The following DGKH variants were observed in gnomAD, a reference collection of about 807,000 sequenced individuals.
DGKH encodes the protein DAG kinase eta.
Under a neutral mutation model 159.3 loss-of-function variants are expected in DGKH, and 90 were observed. The ratio of observed to expected loss-of-function variants is 0.57; its 90% CI spans 0.48 to 0.67. The LOEUF (loss-of-function observed/expected upper bound fraction) is 0.67, where lower values mean the gene tolerates loss of function less well. Among genes scored for constraint, DGKH ranks in the 30% least tolerant of loss-of-function variants. The probability of loss-of-function intolerance (pLI) is 0.00; values close to 1 mark genes in which losing one functional copy is unlikely to be tolerated. For synonymous variants in DGKH, 536 were observed against 553.8 expected, an observed-to-expected ratio of 0.97 and a Z score of 0.45; for missense variants, 1,181 against 1,506.1, an observed-to-expected ratio of 0.78 and a Z score of 3.57.
rs1363073247 is a variant in DGKH, at chr13:42,237,360, A to G, written c.*8172A>G. The G allele has an allele frequency of 6.6e-6, 1 of 151,854 alleles. No homozygotes were observed. The highest frequency in any genetic ancestry group is 6.6e-5 in the Admixed American group (1 of 15,236). The allele number at this position is 151,854 out of a possible 1,614,324, so 9.4% of individuals were successfully genotyped here. On this transcript the variant is annotated 3_prime_UTR_variant, in exon 30 of 30. Coordinates refer to ENST00000337343, the MANE Select transcript of DGKH (RefSeq NM_178009.5). ...TAATTTTAAAGGCAAAGAGTTTTAT[A>G]TTAATTTTACTGTTGCACAAGCAGT...
chr13:42,097,549 C>T (rs1397974641), intron 1 of DGKH, among the ~76,000 whole-genome samples: 3 of 152,112 alleles, frequency 2.0e-5, no homozygotes, highest in South Asian at 2.1e-4. Context: ...AAGTTGTAGC[C>T]CCAGATGCCG....
intron 29 of DGKH, among the ~76,000 whole-genome samples, chr13:42,221,746 C>T (rs1407968134): frequency 6.6e-6 from 1 of 152,042 alleles, no homozygotes; most frequent in Non-Finnish European, 1.5e-5. Context: ...CTGAAAATGA[C>T]TAAAATCTAA....
intron 13 of DGKH, among the ~76,000 whole-genome samples, 158 bp from the exon 14 acceptor site, chr13:42,186,891 T>G: frequency 6.6e-6 from 1 of 152,254 alleles, no homozygotes; most frequent in East Asian, 1.9e-4. Flanking sequence ...TGGACTTATG[T>G]GAGACAAACT....
rs542646828 is a variant in DGKH at position 42,232,143 on chromosome 13, C to T, written c.*2955C>T. ...GAAGAGCTTCTCCATGGGATCAGAT[C>T]ACAGCTTTGGGGAGTGGGATGGGGC... On this transcript the variant is annotated 3_prime_UTR_variant, in exon 30 of 30. Coordinates refer to ENST00000337343, the MANE Select transcript of DGKH (RefSeq NM_178009.5). The T allele has an allele frequency of 7.8e-4, 119 of 152,326 alleles. No homozygotes were observed. Among genetic ancestry groups the T allele is most frequent in the Non-Finnish European group, 1.5e-3 (102 of 68,118 alleles). The allele number at this position is 152,326 out of a possible 1,614,324, so 9.4% of individuals were successfully genotyped here.
intron 18 of DGKH, 105 bp downstream of exon 18, chr13:42,198,700 A>G: frequency 9.8e-7 from 1 of 1,021,814 alleles, no homozygotes; most frequent in Non-Finnish European, 1.5e-6. Context: ...ATATGGTCCC[A>G]TGTAAAAAAA....
chr13:42,040,455 A>T (rs1880414049), intron 1 of DGKH, among the ~76,000 whole-genome samples: 2 of 151,164 alleles, frequency 1.3e-5, no homozygotes, highest in South Asian at 4.2e-4. Context: ...ATAAGGCCTG[A>T]CAGGGGGGTC....
At chr13:42,097,568 G>A (rs1327924210) in intron 1 of DGKH, among the ~76,000 whole-genome samples, 3 of 152,176 alleles carry the variant, frequency 2.0e-5, no homozygotes, top group South Asian at 2.1e-4. Context: ...CGGCAACTGG[G>A]AGCCCAATAA....
intron 30 of DGKH, among the ~76,000 whole-genome samples, chr13:42,254,267 A>G (rs1270796549): frequency 2.0e-5 from 3 of 152,264 alleles, no homozygotes; most frequent in African/African-American, 4.8e-5. Context: ...TCTAAATGCC[A>G]GATGATAGGG....
chr13:42,226,848 C>G (rs1288647688), intron 29 of DGKH, among the ~76,000 whole-genome samples: 1 of 132,424 alleles, frequency 7.6e-6, no homozygotes, highest in African/African-American at 2.7e-5. Flanking sequence ...CAGTATGAGA[C>G]TCTGTCTCAA....
chr13:42,161,678 G>A (rs902999882), intron 7 of DGKH, among the ~76,000 whole-genome samples: 4 of 152,082 alleles, frequency 2.6e-5, no homozygotes, highest in South Asian at 2.1e-4. Context: ...TACTCGGGAG[G>A]CTGAGGCAGG....
In DGKH at chr13:42,119,269, T is replaced by G. The variant is rs117704494; in HGVS notation, c.193-8194T>G. On this transcript the variant is annotated intron_variant, in intron 1 of 29. Transcript: ENST00000337343. Reference sequence around the variant, plus strand: ...GACTGGACTGCATATTTTAGGCATTTTCAGGAAAAGAAATAAAGAATTTGT... The same window carrying G: ...GACTGGACTGCATATTTTAGGCATTGTCAGGAAAAGAAATAAAGAATTTGT... Among the ~76,000 whole-genome samples, 1,081 of 152,296 alleles carry G rather than the reference T, an allele frequency of 7.1e-3. 8 individuals carry two copies. The highest frequency in any genetic ancestry group is 0.017 in the Admixed American group (255 of 15,292).
intron 1 of DGKH, among the ~76,000 whole-genome samples, chr13:42,121,153 A>G (rs1331603704): frequency 6.6e-6 from 1 of 152,064 alleles, no homozygotes; most frequent in African/African-American, 2.4e-5. Flanking sequence ...GTTCAACTTA[A>G]TAATTTTCCA....
At chr13:42,248,611 A>G (rs975858695) in intron 29 of DGKH, among the ~76,000 whole-genome samples, 1 of 147,610 alleles carries the variant, frequency 6.8e-6, no homozygotes, top group African/African-American at 2.5e-5. Context: ...TAATTTATAT[A>G]ATACATAATA....
At chr13:42,089,705 A>G (rs1388247790) in intron 1 of DGKH, among the ~76,000 whole-genome samples, 1 of 152,144 alleles carries the variant, frequency 6.6e-6, no homozygotes, top group Non-Finnish European at 1.5e-5. Flanking sequence ...TTGTGATTTC[A>G]TTGGGCCCCC....
At chr13:42,087,856 A>T (rs1227442444) in intron 1 of DGKH, among the ~76,000 whole-genome samples, 1 of 151,960 alleles carries the variant, frequency 6.6e-6, no homozygotes, top group African/African-American at 2.4e-5. Flanking sequence ...CATTTGAGGA[A>T]GTAATGGCCA....
In DGKH at chr13:42,232,420, T is replaced by C. The variant is rs1201424483; in HGVS notation, c.*3232T>C. Reference sequence around the variant, plus strand: ...CAGAATCAGACCTAAATAAAATTCCTGAGTATGCAATATTTCTCTTTAGTG... The same window carrying C: ...CAGAATCAGACCTAAATAAAATTCCCGAGTATGCAATATTTCTCTTTAGTG... On this transcript the variant is annotated 3_prime_UTR_variant, in exon 30 of 30. Coordinates refer to ENST00000337343, the MANE Select transcript of DGKH (RefSeq NM_178009.5). The C allele has an allele frequency of 6.6e-6, 1 of 152,214 alleles. No individual in the cohort carries two copies. Among genetic ancestry groups the C allele is most frequent in the African/African-American group, 2.4e-5 (1 of 41,468 alleles). The allele number at this position is 152,214 out of a possible 1,614,324, so 9.4% of individuals were successfully genotyped here. A position where few individuals can be genotyped will look rare whatever the true frequency, so the allele number is the denominator to read the frequency against.
intron 1 of DGKH, among the ~76,000 whole-genome samples, chr13:42,121,769 A>T (rs1192023117): frequency 6.6e-6 from 1 of 152,250 alleles, no homozygotes; most frequent in East Asian, 1.9e-4. Flanking sequence ...CAGATTTATG[A>T]CATGGTTTCT....
intron 1 of DGKH, among the ~76,000 whole-genome samples, chr13:42,090,263 A>G (rs904371835): frequency 2.0e-5 from 3 of 152,260 alleles, no homozygotes; most frequent in Admixed American, 1.3e-4. Flanking sequence ...TAAAACATGC[A>G]TAAAATAGAT....
In DGKH at chr13:42,127,397, G is replaced by C. The variant is rs544952440; in HGVS notation, c.193-66G>C. 7.1e-6 allele frequency: 8 copies of C among 1,130,900 alleles called. No individual in the cohort carries two copies. The South Asian group carries it at 9.1e-5, about 13-fold the overall frequency. The allele number at this position is 1,130,900 out of a possible 1,614,324, so 70.1% of individuals were successfully genotyped here. On this transcript the variant is annotated intron_variant, in intron 1 of 29. Transcript: ENST00000337343. ...AAATGTTAATGAAAATGCACCATTGGCTCTGAATTTCATTTGGTTTTGAAT... is the reference window on the plus strand; with the variant it reads ...AAATGTTAATGAAAATGCACCATTGCCTCTGAATTTCATTTGGTTTTGAAT...
Sources: allele counts gnomAD v4.1 joint callset (sites outside exome capture counted in the v4.1 genomes callset), GRCh38; gene constraint gnomAD v4.1.1; transcripts MANE v1.5; gene names NCBI Gene and HGNC (gene_info 2026-07-23, HGNC 2026-07-21).